DLGAP1: variants seen among roughly 807,000 people sequenced by gnomAD.
DLGAP1 encodes the protein DLG associated protein 1.
In DLGAP1, 11 loss-of-function variants were observed where a neutral mutation model predicts 90.8. That is an observed-to-expected ratio of 0.12 (90% confidence interval 0.08 to 0.20). The LOEUF (loss-of-function observed/expected upper bound fraction) is 0.20, where lower values mean the gene tolerates loss of function less well. Among genes scored for constraint, DLGAP1 ranks in the 10% least tolerant of loss-of-function variants. The probability of loss-of-function intolerance (pLI) is 1.00; values close to 1 mark genes in which losing one functional copy is unlikely to be tolerated. For synonymous variants in DLGAP1, 558 were observed against 540.7 expected, an observed-to-expected ratio of 1.03 and a Z score of -0.44; for missense variants, 1,050 against 1,333.8, an observed-to-expected ratio of 0.79 and a Z score of 3.31.
At chr18:4,133,263 T>C (rs928129453) in intron 2 of DLGAP1, among the ~76,000 whole-genome samples, 14 of 152,120 alleles carry the variant, frequency 9.2e-5, no homozygotes, top group Non-Finnish European at 2.1e-4. Flanking sequence ...GTCAAGGGCT[T>C]CCAACAGGGC....
chr18:4,401,137 T>C (rs1034689139), intron 1 of DLGAP1, among the ~76,000 whole-genome samples: 1 of 152,186 alleles, frequency 6.6e-6, no homozygotes, highest in South Asian at 2.1e-4. Context: ...CACTTCAAAA[T>C]GGTTAATGAT....
At chr18:3,896,003 G>T (rs76823996) in intron 3 of DLGAP1, 1 of 152,142 alleles carries the variant, frequency 6.6e-6, no homozygotes, top group South Asian at 2.1e-4. Context: ...AACGCCACTC[G>T]GTAAGCTACA....
At chr18:3,928,861 G>A (rs1470487981) in intron 3 of DLGAP1, among the ~76,000 whole-genome samples, 1 of 152,116 alleles carries the variant, frequency 6.6e-6, no homozygotes, top group Non-Finnish European at 1.5e-5. Flanking sequence ...ATGTTGAACT[G>A]TGATCTCGAG....
At chr18:4,412,473 G>T (rs1313283563) in intron 1 of DLGAP1, among the ~76,000 whole-genome samples, 1 of 152,218 alleles carries the variant, frequency 6.6e-6, no homozygotes, top group Non-Finnish European at 1.5e-5. Flanking sequence ...AGCTGGATAA[G>T]TGCTGGCTCT....
At chr18:4,265,136 C>CTTCCTTCCTTCCTTCCTTCCT (rs1476655160) in intron 1 of DLGAP1, among the ~76,000 whole-genome samples, 11 of 129,466 alleles carry the variant, frequency 8.5e-5, no homozygotes, top group African/African-American at 3.8e-4. Flanking sequence ...CCTTCCTTTC[C>CTTCCTTCCTTCCTTCCTTCCT]TCCCTCCCTC....
At chr18:4,086,944 G>A (rs2075689945) in intron 2 of DLGAP1, among the ~76,000 whole-genome samples, 1 of 150,694 alleles carries the variant, frequency 6.6e-6, no homozygotes. Context: ...TTTTGAAGAT[G>A]TGTTGTTAGG....
chr18:4,217,271 T>C (rs149022809), intron 1 of DLGAP1, among the ~76,000 whole-genome samples: 2 of 152,244 alleles, frequency 1.3e-5, no homozygotes, highest in East Asian at 3.9e-4. Flanking sequence ...CACAGTTTGT[T>C]TAAATGTTCA....
intron 1 of DLGAP1, among the ~76,000 whole-genome samples, chr18:4,175,287 G>A (rs2077088495): frequency 6.6e-6 from 1 of 151,764 alleles, no homozygotes; most frequent in African/African-American, 2.4e-5. Flanking sequence ...TTGGAAATTT[G>A]TTTAGATTCC....
intron 2 of DLGAP1, among the ~76,000 whole-genome samples, chr18:4,027,262 T>C (rs1048409372): frequency 3.3e-5 from 5 of 151,764 alleles, no homozygotes; most frequent in Non-Finnish European, 5.9e-5. Context: ...TCCCAGCACT[T>C]TGGGAGGCTG....
At chr18:4,400,607 G>A (rs1038776086) in intron 1 of DLGAP1, among the ~76,000 whole-genome samples, 3 of 152,100 alleles carry the variant, frequency 2.0e-5, no homozygotes, top group African/African-American at 7.2e-5. Flanking sequence ...GCTCTCGGGG[G>A]AGCAACTGGT....
At chr18:3,810,778 G>C (rs745553701) in intron 5 of DLGAP1, among the ~76,000 whole-genome samples, 10 of 151,512 alleles carry the variant, frequency 6.6e-5, no homozygotes, top group Non-Finnish European at 1.3e-4. Flanking sequence ...TTTTTCTTTT[G>C]TATCTCTTTC....
At chr18:3,530,950 C>T (rs1422863683) in intron 10 of DLGAP1, among the ~76,000 whole-genome samples, 1 of 152,128 alleles carries the variant, frequency 6.6e-6, no homozygotes, top group Non-Finnish European at 1.5e-5. Context: ...GCAGGAGGAG[C>T]AGACTGGAGC....
At chr18:4,104,567 T>C (rs2075829384) in intron 2 of DLGAP1, among the ~76,000 whole-genome samples, 2 of 152,208 alleles carry the variant, frequency 1.3e-5, no homozygotes, top group Non-Finnish European at 2.9e-5. Context: ...TCTAGTATTG[T>C]TTATTTTTTC....
chr18:3,594,299 G>A (rs1229661431), intron 7 of DLGAP1: 1 of 152,020 alleles, frequency 6.6e-6, no homozygotes, highest in Non-Finnish European at 1.5e-5. Context: ...GGGAACAAAT[G>A]GACTTTTTTT....
At chr18:4,362,370 GGGATAGACATAT>G (rs2081648510) in intron 1 of DLGAP1, among the ~76,000 whole-genome samples, 2 of 152,096 alleles carry the variant, frequency 1.3e-5, no homozygotes, top group African/African-American at 4.8e-5. Context: ...AACAAACTGT[GGGATAGACATAT>G]GATGGAATAT....
intron 1 of DLGAP1, among the ~76,000 whole-genome samples, chr18:4,261,243 G>A (rs1386593828): frequency 2.0e-5 from 3 of 152,106 alleles, no homozygotes; most frequent in Non-Finnish European, 4.4e-5. Context: ...CAGGGTAGCC[G>A]TCCAAGTCGG....
intron 3 of DLGAP1, among the ~76,000 whole-genome samples, chr18:3,904,414 A>G (rs1487165512): frequency 1.3e-5 from 2 of 152,228 alleles, no homozygotes; most frequent in Non-Finnish European, 2.9e-5. Context: ...CTTTAGGGAA[A>G]TAGAATTTTA....
intron 7 of DLGAP1, among the ~76,000 whole-genome samples, chr18:3,708,137 C>G (rs556042710): frequency 1.3e-5 from 2 of 152,112 alleles, no homozygotes; most frequent in East Asian, 1.9e-4. Flanking sequence ...TCCAGAATAG[C>G]TGGGACTACA....
intron 2 of DLGAP1, among the ~76,000 whole-genome samples, chr18:4,150,684 T>A (rs1226767270): frequency 6.6e-6 from 1 of 152,220 alleles, no homozygotes; most frequent in Non-Finnish European, 1.5e-5. Context: ...TCTGCCCACC[T>A]CGGTCTCCCA....
Sources: allele counts gnomAD v4.1 joint callset (sites outside exome capture counted in the v4.1 genomes callset), GRCh38; gene constraint gnomAD v4.1.1; transcripts MANE v1.5; gene names NCBI Gene and HGNC (gene_info 2026-07-23, HGNC 2026-07-21).